Variants in STK10 observed in about 807,000 individuals in gnomAD.
STK10 encodes the protein serine/threonine-protein kinase 10.
A neutral mutation model predicts 113.8 loss-of-function variants in STK10; 78 were observed. The observed-to-expected ratio is 0.69, with a 90% CI of 0.57 to 0.83. STK10 has a LOEUF of 0.83. Among genes scored for constraint, STK10 ranks in the 40% least tolerant of loss-of-function variants. STK10 has a pLI of 0.00. For missense variants in STK10, 1,109 were observed against 1,280.1 expected (o/e 0.87, Z 2.04); for synonymous variants, 465 against 494.7 (o/e 0.94, Z 0.80).
Position 172,071,341 on chromosome 5 carries a change from C to CAAAA in STK10, c.1990-6533_1990-6530dup, listed in dbSNP as rs58271522. 3.7e-4 allele frequency among the ~76,000 whole-genome samples: 20 copies of CAAAA among 53,860 alleles called. 2 individuals are homozygous for CAAAA. The South Asian group carries it at 5.7e-3, about 15-fold the overall frequency. The allele number at this position is 53,860 out of a possible 152,430, so 35.3% of individuals were successfully genotyped here. On this transcript the variant is annotated intron_variant, in intron 12 of 18. Transcript: ENST00000176763. ...ACTAAAACTGAGGCAGGATAGGTAG[C>CAAAA]AAAAAAAAAAAAAAAAAAAAAATGA...
intron 2 of STK10, among the ~76,000 whole-genome samples, chr5:172,155,543 C>T (rs959226242): frequency 1.3e-5 from 2 of 148,246 alleles, no homozygotes; most frequent in Non-Finnish European, 3.0e-5. Context: ...AGAGGACACA[C>T]AAAAAAATCC....
intron 2 of STK10, among the ~76,000 whole-genome samples, chr5:172,128,242 A>AAAAG: frequency 6.6e-6 from 1 of 150,494 alleles, no homozygotes; most frequent in Non-Finnish European, 1.5e-5. Flanking sequence ...AAAAAAAAAA[A>AAAAG]AAAGAAAGGT....
chr5:172,049,362 G>A (rs1767576312), intron 18 of STK10, among the ~76,000 whole-genome samples: 1 of 152,160 alleles, frequency 6.6e-6, no homozygotes, highest in Admixed American at 6.5e-5. Context: ...CTCCGTGGGG[G>A]AGGCCTGAAT....
At chr5:172,072,139 C>T (rs1440761572) in intron 12 of STK10, among the ~76,000 whole-genome samples, 4 of 152,124 alleles carry the variant, frequency 2.6e-5, no homozygotes. Flanking sequence ...TATCAACAGA[C>T]TAACAGAAGA....
intron 10 of STK10, among the ~76,000 whole-genome samples, chr5:172,089,523 TG>T (rs1168160597): frequency 2.0e-5 from 3 of 151,742 alleles, no homozygotes; most frequent in Non-Finnish European, 4.4e-5. Flanking sequence ...GATGATTGGG[TG>T]GACAGACGGA....
At chr5:172,142,707 T>C (rs1476675515) in intron 2 of STK10, among the ~76,000 whole-genome samples, 2 of 152,244 alleles carry the variant, frequency 1.3e-5, no homozygotes, top group East Asian at 3.8e-4. Context: ...AGTAAGTCAA[T>C]GCTTGATAAA....
intron 2 of STK10, among the ~76,000 whole-genome samples, chr5:172,154,022 C>T (rs578126403): frequency 6.6e-6 from 1 of 152,338 alleles, no homozygotes; most frequent in Admixed American, 6.5e-5. Flanking sequence ...CTTGTCCTCT[C>T]AAACCTGACT....
intron 18 of STK10, among the ~76,000 whole-genome samples, chr5:172,051,795 G>A (rs1032973358): frequency 1.3e-5 from 2 of 152,066 alleles, no homozygotes; most frequent in Non-Finnish European, 2.9e-5. Context: ...CCAGCCAGCC[G>A]TATCCATGCG....
intron 16 of STK10, 135 bp downstream of exon 16, chr5:172,055,453 G>C: frequency 1.0e-6 from 1 of 956,598 alleles, no homozygotes; most frequent in Non-Finnish European, 1.4e-6. Context: ...GCCTCTCAAA[G>C]TGTTGGGATT....
chr5:172,069,178 C>A (rs1251025667), intron 12 of STK10, among the ~76,000 whole-genome samples: 1 of 148,894 alleles, frequency 6.7e-6, no homozygotes, highest in Non-Finnish European at 1.5e-5. Context: ...CCAAAGGAGA[C>A]AAAACAGGTA....
chr5:172,167,323 T>C (rs1770591191), intron 1 of STK10, among the ~76,000 whole-genome samples: 1 of 152,040 alleles, frequency 6.6e-6, no homozygotes, highest in Admixed American at 6.6e-5. Context: ...AACAAGAAGA[T>C]AATACAGTAA....
chr5:172,169,209 G>A (rs930637655), intron 1 of STK10, among the ~76,000 whole-genome samples: 4 of 152,084 alleles, frequency 2.6e-5, no homozygotes, highest in Admixed American at 6.6e-5. Context: ...GGTTTTCATC[G>A]CAGACTGCCC....
At chr5:172,078,685 A>G (rs993150434) in intron 12 of STK10, among the ~76,000 whole-genome samples, 6 of 150,078 alleles carry the variant, frequency 4.0e-5, no homozygotes, top group Admixed American at 6.7e-5. Flanking sequence ...CTTTCTTTCC[A>G]TGAAAACTTC....
intron 7 of STK10, among the ~76,000 whole-genome samples, chr5:172,099,203 C>T (rs558633285): frequency 6.6e-6 from 1 of 152,112 alleles, no homozygotes; most frequent in African/African-American, 2.4e-5. Context: ...ATTACCATCA[C>T]CACCATCACC....
chr5:172,106,854 C>T, intron 5 of STK10, 40 bp from the exon 6 acceptor site: 3 of 1,572,506 alleles, frequency 1.9e-6, no homozygotes, highest in Non-Finnish European at 2.6e-6. Flanking sequence ...AAGAATCTGG[C>T]CTTTACAGGT....
chr5:172,186,308 G>A (rs952386287), intron 1 of STK10, among the ~76,000 whole-genome samples: 2 of 151,528 alleles, frequency 1.3e-5, no homozygotes, highest in African/African-American at 4.8e-5. Context: ...GACACTGAGT[G>A]GGCCTGGTTG....
In STK10 at chr5:172,102,681, A is replaced by G. The variant is rs558841599; in HGVS notation, c.870+2975T>C. ...GCTGTTGATGTGTTCAGTGAGACCAACACCAAGGCTGACCCATGGCACAGA... is the reference window on the plus strand; with the variant it reads ...GCTGTTGATGTGTTCAGTGAGACCAGCACCAAGGCTGACCCATGGCACAGA... On this transcript the variant is annotated intron_variant, in intron 7 of 18. Transcript: ENST00000176763. Among the ~76,000 whole-genome samples, 96 of 152,280 alleles carry G rather than the reference A, an allele frequency of 6.3e-4. 1 individual carries two copies. Among genetic ancestry groups the G allele is most frequent in the African/African-American group, 2.1e-3 (89 of 41,536 alleles).
chr5:172,111,802 C>T (rs1429142387), intron 4 of STK10, among the ~76,000 whole-genome samples: 2 of 152,238 alleles, frequency 1.3e-5, no homozygotes, highest in African/African-American at 4.8e-5. Context: ...GAGCAGGAAG[C>T]ACTCAACAGG....
chr5:172,079,491 GT>G (rs1284342135), intron 12 of STK10, among the ~76,000 whole-genome samples: 2 of 152,020 alleles, frequency 1.3e-5, no homozygotes, highest in Non-Finnish European at 1.5e-5. Flanking sequence ...CTTTTTGTTT[GT>G]TTGTCTGGCT....
Sources: allele counts gnomAD v4.1 joint callset (sites outside exome capture counted in the v4.1 genomes callset), GRCh38; gene constraint gnomAD v4.1.1; transcripts MANE v1.5; gene names NCBI Gene and HGNC (gene_info 2026-07-23, HGNC 2026-07-21).